PPP2R5D: variants seen among roughly 807,000 people sequenced by gnomAD.
The protein encoded by PPP2R5D is protein phosphatase 2 regulatory subunit B'delta.
PPP2R5D carries 12 observed loss-of-function variants against 79.1 expected under a neutral mutation model. The ratio of observed to expected loss-of-function variants is 0.15; its 90% CI spans 0.10 to 0.25. The LOEUF is 0.25. Among genes scored for constraint, PPP2R5D ranks in the 10% least tolerant of loss-of-function variants. The pLI, the probability that PPP2R5D is intolerant of heterozygous loss-of-function variation, is 1.00. For synonymous variants in PPP2R5D, 277 were observed against 286.6 expected (o/e 0.97, Z 0.34); for missense variants, 419 against 760.2 (o/e 0.55, Z 5.28).
At chr6:42,994,897 G>A (rs765357570) in intron 2 of PPP2R5D, among the ~76,000 whole-genome samples, 1 of 151,884 alleles carries the variant, frequency 6.6e-6, no homozygotes, top group Non-Finnish European at 1.5e-5. Flanking sequence ...AGGGACAGAG[G>A]GAGGAATAAA....
Position 43,012,119 on chromosome 6 carries a change from T to G in PPP2R5D, c.*833T>G. On this transcript the variant is annotated 3_prime_UTR_variant, in exon 16 of 16. Transcript: ENST00000485511. ...TCCTGCCAACACCTATTTATTTCCTTGTTTGTGCTATGCTGGGCAGGCCTT... is the reference window on the plus strand; with the variant it reads ...TCCTGCCAACACCTATTTATTTCCTGGTTTGTGCTATGCTGGGCAGGCCTT... 10 of 777,678 alleles carry G rather than the reference T, an allele frequency of 1.3e-5. No individual in the cohort carries two copies. The highest frequency in any genetic ancestry group is 5.9e-5 in the South Asian group (1 of 16,958). 48.2% of individuals were successfully genotyped at this position (777,678 alleles called of 1,614,324 possible).
At chr6:42,993,408 T>G (rs1006616978) in intron 2 of PPP2R5D, among the ~76,000 whole-genome samples, 1 of 151,458 alleles carries the variant, frequency 6.6e-6, no homozygotes, top group Non-Finnish European at 1.5e-5. Flanking sequence ...GAGGCGGAGG[T>G]TGCAGTGAGA....
chr6:43,004,871 T>G (rs1307752767), intron 2 of PPP2R5D, among the ~76,000 whole-genome samples: 5 of 151,596 alleles, frequency 3.3e-5, no homozygotes, highest in African/African-American at 1.2e-4. Context: ...TGCCTCAGCC[T>G]CCCGAGTAGC....
At chr6:43,003,325 G>GCA (rs909328128) in intron 2 of PPP2R5D, among the ~76,000 whole-genome samples, 1 of 152,082 alleles carries the variant, frequency 6.6e-6, no homozygotes, top group African/African-American at 2.4e-5. Context: ...GGGAGGCTGA[G>GCA]GCAGGAGAAT....
intron 2 of PPP2R5D, among the ~76,000 whole-genome samples, chr6:43,001,982 A>G (rs1351291524): frequency 3.3e-5 from 5 of 151,478 alleles, no homozygotes; most frequent in Middle Eastern, 6.8e-3. Flanking sequence ...GTTCATCTCT[A>G]TCCTTACGAT....
At chr6:42,998,773 G>A (rs1171152884) in intron 2 of PPP2R5D, among the ~76,000 whole-genome samples, 1 of 151,604 alleles carries the variant, frequency 6.6e-6, no homozygotes, top group Non-Finnish European at 1.5e-5. Flanking sequence ...GGTGGCTCAC[G>A]CCTGTAATCC....
intron 2 of PPP2R5D, among the ~76,000 whole-genome samples, chr6:42,997,145 G>A (rs1306061685): frequency 1.3e-5 from 2 of 151,124 alleles, no homozygotes; most frequent in African/African-American, 4.9e-5. Context: ...ACAGGCGCCC[G>A]CTACCACGCC....
At position 43,008,785 on chromosome 6, in the gene PPP2R5D, G is replaced by T. The variant is rs1264613339; in HGVS notation, c.1080+39G>T. On this transcript the variant is annotated intron_variant, in intron 10 of 15. Transcript: ENST00000485511. The surrounding 1 kb of genome is among the most constrained non-coding windows in gnomAD (Gnocchi z 4.2). ...CGGGCCCCAAGGCCCACCTCTTACT[G>T]TCAGCATCACTTGCCAGTCTGTACC... The T allele has an allele frequency of 6.3e-7, 1 of 1,592,976 alleles. No homozygotes were observed. The highest frequency in any genetic ancestry group is 1.1e-5 in the South Asian group (1 of 90,168).
In PPP2R5D at chr6:43,008,976, G is replaced by A. The variant is rs1009466914; in HGVS notation, c.1081-81G>A. ...CCCAAACTGTGCCCACCAGGGTGGG[G>A]GAGAGAGCAGGTAGGAAAACTTCCT... On this transcript the variant is annotated intron_variant, in intron 10 of 15. Transcript: ENST00000485511. The surrounding 1 kb of genome is among the most constrained non-coding windows in gnomAD (Gnocchi z 4.2). 1.3e-5 allele frequency: 19 copies of A among 1,507,728 alleles called. No homozygotes were observed. The highest frequency in any genetic ancestry group is 1.7e-5 in the Non-Finnish European group (19 of 1,101,722). The allele number at this position is 1,507,728 out of a possible 1,614,324, so 93.4% of individuals were successfully genotyped here. A position where few individuals can be genotyped will look rare whatever the true frequency, so the allele number is the denominator to read the frequency against.
Position 43,012,085 on chromosome 6 carries a change from A to T in PPP2R5D, c.*799A>T, listed in dbSNP as rs953408621. The T allele has an allele frequency of 1.9e-6, 1 of 532,248 alleles. No individual in the cohort carries two copies. Among genetic ancestry groups the T allele is most frequent in the Non-Finnish European group, 2.4e-6 (1 of 413,434 alleles). 33.0% of individuals were successfully genotyped at this position (532,248 alleles called of 1,614,324 possible). Reference sequence around the variant, plus strand: ...AGAAGGAAGCAGGGAGCGGTGCCCCAAGCATGGCTCCTGCCAACACCTATT... The same window carrying T: ...AGAAGGAAGCAGGGAGCGGTGCCCCTAGCATGGCTCCTGCCAACACCTATT... On this transcript the variant is annotated 3_prime_UTR_variant, in exon 16 of 16. Coordinates refer to ENST00000485511, the MANE Select transcript of PPP2R5D (RefSeq NM_006245.4).
At position 43,000,236 on chromosome 6, in the gene PPP2R5D, C is replaced by CTTTTTT. The variant is rs1204045076; in HGVS notation, c.106-6213_106-6208dup. 8.5e-5 allele frequency among the ~76,000 whole-genome samples: 9 copies of CTTTTTT among 106,020 alleles called. 2 individuals are homozygous for CTTTTTT. The highest frequency in any genetic ancestry group is 3.4e-4 in the African/African-American group (7 of 20,298). The allele number at this position is 106,020 out of a possible 152,430, so 69.6% of individuals were successfully genotyped here. Reference sequence around the variant, plus strand: ...GGCGTGAGCCACCACGTCTGGCCACCTTTTTTTTTTTTTTTTTTTGAGATA... The same window carrying CTTTTTT: ...GGCGTGAGCCACCACGTCTGGCCACCTTTTTTTTTTTTTTTTTTTTTTTTTGAGATA... On this transcript the variant is annotated intron_variant, in intron 2 of 15. Coordinates refer to ENST00000485511, the MANE Select transcript of PPP2R5D (RefSeq NM_006245.4).
intron 2 of PPP2R5D, among the ~76,000 whole-genome samples, chr6:43,003,435 TA>T (rs1561847325): frequency 6.6e-6 from 1 of 151,688 alleles, no homozygotes; most frequent in Non-Finnish European, 1.5e-5. Flanking sequence ...AATAAATAAA[TA>T]AAATAAAAAT....
At chr6:43,003,646 C>T (rs909297031) in intron 2 of PPP2R5D, among the ~76,000 whole-genome samples, 5 of 151,990 alleles carry the variant, frequency 3.3e-5, no homozygotes, top group Non-Finnish European at 5.9e-5. Context: ...TTCTGAACCT[C>T]GTTTTTGGTT....
At chr6:42,985,775 C>CTTTTT (rs945324833) in intron 1 of PPP2R5D, among the ~76,000 whole-genome samples, 7 of 118,286 alleles carry the variant, frequency 5.9e-5, no homozygotes, top group South Asian at 2.8e-4. Flanking sequence ...CAGGCCATTT[C>CTTTTT]TTTTTTTTTT....
At position 43,012,105 on chromosome 6, in the gene PPP2R5D, C is replaced by T. The variant is rs539686056; in HGVS notation, c.*819C>T. The T allele has an allele frequency of 1.0e-5, 7 of 691,186 alleles. No individual in the cohort carries two copies. The East Asian group carries it at 3.6e-4, about 35-fold the overall frequency. 42.8% of individuals were successfully genotyped at this position (691,186 alleles called of 1,614,324 possible). A position where few individuals can be genotyped will look rare whatever the true frequency, so the allele number is the denominator to read the frequency against. On this transcript the variant is annotated 3_prime_UTR_variant, in exon 16 of 16. Coordinates refer to ENST00000485511, the MANE Select transcript of PPP2R5D (RefSeq NM_006245.4). ...GCCCCAAGCATGGCTCCTGCCAACA[C>T]CTATTTATTTCCTTGTTTGTGCTAT...
rs564907228 is a variant in PPP2R5D, at chr6:43,007,788, A to G, written c.727-147A>G. On this transcript the variant is annotated intron_variant, in intron 6 of 15. Coordinates refer to ENST00000485511, the MANE Select transcript of PPP2R5D (RefSeq NM_006245.4). The surrounding 1 kb of genome is among the most constrained non-coding windows in gnomAD (Gnocchi z 4.5). Reference sequence around the variant, plus strand: ...TCAGTACAAATACAATAGAATCAGCAATATAATAGAATCACTGCTTTCTAA... The same window carrying G: ...TCAGTACAAATACAATAGAATCAGCGATATAATAGAATCACTGCTTTCTAA... 2.4e-5 allele frequency: 25 copies of G among 1,024,296 alleles called. No homozygotes were observed. Among genetic ancestry groups the G allele is most frequent in the Non-Finnish European group, 3.4e-5 (23 of 684,818 alleles). The allele number at this position is 1,024,296 out of a possible 1,614,324, so 63.5% of individuals were successfully genotyped here.
chr6:42,984,659 C>A lies in PPP2R5D; in HGVS notation c.-19C>A, dbSNP rs562616266. 1.3e-6 allele frequency: 2 copies of A among 1,598,186 alleles called. No homozygotes were observed. The highest frequency in any genetic ancestry group is 1.3e-5 in the African/African-American group (1 of 74,352). On this transcript the variant is annotated 5_prime_UTR_variant, in exon 1 of 16. Coordinates refer to ENST00000485511, the MANE Select transcript of PPP2R5D (RefSeq NM_006245.4). ...CGGAGCGGGGCCGCAGGAGACGGGC[C>A]GGGTCCGGACGGGCCGAGATGCCCT...
intron 1 of PPP2R5D, among the ~76,000 whole-genome samples, chr6:42,986,003 C>T (rs1770815801): frequency 6.6e-6 from 1 of 152,146 alleles, no homozygotes; most frequent in Non-Finnish European, 1.5e-5. Flanking sequence ...TCTTGAACTC[C>T]TGACCTCAGG....
chr6:43,006,649 C>G lies in PPP2R5D; in HGVS notation c.292C>G (p.Arg98Gly). Residue 98 changes from arginine (R) to glycine (G), a missense_variant, in exon 3 of 16, where the codon CGG becomes GGG. This residue lies in a region of PPP2R5D where 110 missense variants were observed against 147.6 expected (regional missense o/e 0.75). Coordinates refer to ENST00000485511, the MANE Select transcript of PPP2R5D (RefSeq NM_006245.4). This position sits in a 1 kb window ranked among gnomAD's most constrained non-coding sequence, Gnocchi z 4.7. ...SSSRFNLSKN[R>G]ELQKLPALKD... is the part of the protein sequence containing the mutation. ...CTCCCGCTTCAACCTCAGCAAGAAT[C>G]GGGAGCTGCAGAAGCTTCCTGCCCT... is the stretch of plus-strand genomic sequence containing the variant. 1 of 1,614,140 alleles carries G rather than the reference C, an allele frequency of 6.2e-7. No homozygotes were observed. The highest frequency in any genetic ancestry group is 8.5e-7 in the Non-Finnish European group (1 of 1,180,026).
Sources: allele counts gnomAD v4.1 joint callset (sites outside exome capture counted in the v4.1 genomes callset), GRCh38; gene constraint gnomAD v4.1.1; regional missense constraint gnomAD v4.1.1; non-coding constraint Gnocchi (gnomAD v3.1); transcripts MANE v1.5; gene names NCBI Gene and HGNC (gene_info 2026-07-23, HGNC 2026-07-21).